The following RABGAP1L variants were observed in gnomAD, a reference collection of about 807,000 sequenced individuals.
The protein encoded by RABGAP1L is RAB GTPase activating protein 1 like, also known as rab GTPase-activating protein 1-like.
RABGAP1L carries 63 observed loss-of-function variants against 137.7 expected under a neutral mutation model. The observed-to-expected ratio is 0.46, with a 90% CI of 0.37 to 0.56. The LOEUF (loss-of-function observed/expected upper bound fraction) is 0.56. Among genes scored for constraint, RABGAP1L ranks in the 20% least tolerant of loss-of-function variants. RABGAP1L has a pLI of 0.00. For synonymous variants in RABGAP1L, 431 were observed against 433.7 expected (o/e 0.99, Z 0.08); for missense variants, 1,095 against 1,244.0 (o/e 0.88, Z 1.80).
chr1:174,678,261 A>T (rs1484823033), intron 14 of RABGAP1L, among the ~76,000 whole-genome samples: 1 of 152,326 alleles, frequency 6.6e-6, no homozygotes, highest in Middle Eastern at 3.4e-3. Flanking sequence ...AAACCTTTCC[A>T]AGGAGAATAC....
rs762279696 is a variant in RABGAP1L, at chr1:174,683,513, TTTCTC to T, written c.1825-7_1825-3del. On this transcript the variant is annotated splice_polypyrimidine_tract_variant and splice_region_variant and intron_variant, in intron 14 of 25. Coordinates refer to ENST00000681986, the MANE Select transcript of RABGAP1L (RefSeq NM_001366446.1). The stretch of plus-strand genomic sequence containing the variant: ...TTACGATATTTCTTTCTTTTCATCT[TTTCTC>T]TAGGCCTACTCTGTGTATGATGAAG... 6.3e-7 allele frequency: 1 copy of T among 1,582,964 alleles called. No homozygotes were observed. Among genetic ancestry groups the T allele is most frequent in the African/African-American group, 1.4e-5 (1 of 73,902 alleles).
At chr1:174,919,087 C>T (rs1420144990) in intron 19 of RABGAP1L, among the ~76,000 whole-genome samples, 3 of 150,998 alleles carry the variant, frequency 2.0e-5, no homozygotes, top group Non-Finnish European at 2.9e-5. Context: ...GGCACGATCT[C>T]GGCTCACTGC....
intron 13 of RABGAP1L, among the ~76,000 whole-genome samples, chr1:174,438,669 G>C (rs1653725550): frequency 6.7e-6 from 1 of 148,150 alleles, no homozygotes; most frequent in Non-Finnish European, 1.5e-5. Flanking sequence ...AGTGAGCCGA[G>C]ATCACGCCAC....
chr1:174,856,349 C>T (rs1315196092), intron 19 of RABGAP1L, among the ~76,000 whole-genome samples: 2 of 149,958 alleles, frequency 1.3e-5, no homozygotes, highest in Non-Finnish European at 3.0e-5. Flanking sequence ...GAACCAAGAT[C>T]GTGCCACTGC....
chr1:174,711,894 T>C (rs774973407), intron 17 of RABGAP1L, among the ~76,000 whole-genome samples: 31 of 152,224 alleles, frequency 2.0e-4, no homozygotes, highest in Non-Finnish European at 4.4e-4. Context: ...TGGAGAACTT[T>C]TATGTTTAGC....
At chr1:174,759,911 A>G (rs1476443787) in intron 18 of RABGAP1L, among the ~76,000 whole-genome samples, 1 of 152,206 alleles carries the variant, frequency 6.6e-6, no homozygotes, top group Non-Finnish European at 1.5e-5. Flanking sequence ...ACTCGGCCCT[A>G]CCTTCAACAT....
chr1:174,579,953 G>A (rs1020201733), intron 13 of RABGAP1L, among the ~76,000 whole-genome samples: 5 of 152,244 alleles, frequency 3.3e-5, no homozygotes, highest in African/African-American at 1.2e-4. Context: ...TAGAGACAGG[G>A]TTTCACCATG....
intron 12 of RABGAP1L, among the ~76,000 whole-genome samples, chr1:174,378,138 G>C (rs1172561520): frequency 1.4e-5 from 2 of 146,220 alleles, no homozygotes; most frequent in Non-Finnish European, 3.0e-5. Context: ...CGGCTGCATA[G>C]TATTCCATGG....
At chr1:174,876,967 C>T (rs1013615058) in intron 19 of RABGAP1L, among the ~76,000 whole-genome samples, 1 of 151,754 alleles carries the variant, frequency 6.6e-6, no homozygotes, top group Non-Finnish European at 1.5e-5. Context: ...TGGTTTTCAT[C>T]TGTTTATTTT....
At chr1:174,742,308 A>G (rs1027963054) in intron 17 of RABGAP1L, among the ~76,000 whole-genome samples, 2 of 152,000 alleles carry the variant, frequency 1.3e-5, no homozygotes, top group Non-Finnish European at 2.9e-5. Context: ...ACTTGAGGTC[A>G]GGAGTTCGAG....
At chr1:174,953,035 CAAAAAAAAA>C (rs34788853) in intron 19 of RABGAP1L, among the ~76,000 whole-genome samples, 5 of 97,362 alleles carry the variant, frequency 5.1e-5, no homozygotes, top group Admixed American at 1.1e-4. Context: ...GGGTGGCATG[CAAAAAAAAA>C]AAAAAAAAGA....
intron 13 of RABGAP1L, among the ~76,000 whole-genome samples, chr1:174,558,491 A>G (rs536711003): frequency 3.3e-5 from 5 of 152,344 alleles, no homozygotes; most frequent in East Asian, 3.9e-4. Flanking sequence ...TGTGTCTTCT[A>G]TCATTCTGTT....
intron 13 of RABGAP1L, among the ~76,000 whole-genome samples, chr1:174,531,445 G>A (rs567787919): frequency 6.6e-6 from 1 of 152,200 alleles, no homozygotes; most frequent in South Asian, 2.1e-4. Flanking sequence ...GATAAAAATA[G>A]GAAAAATATA....
intron 12 of RABGAP1L, among the ~76,000 whole-genome samples, chr1:174,383,455 A>G (rs190464286): frequency 1.3e-5 from 2 of 152,054 alleles, no homozygotes; most frequent in Non-Finnish European, 2.9e-5. Context: ...CCGTTGGCGT[A>G]GGACCCTCTG....
intron 13 of RABGAP1L, among the ~76,000 whole-genome samples, chr1:174,404,291 A>G (rs1028079471): frequency 1.3e-5 from 2 of 152,184 alleles, no homozygotes; most frequent in African/African-American, 4.8e-5. Context: ...ATTTCTGAGC[A>G]GGATAGGAGA....
chr1:174,787,757 G>C (rs928248628), intron 18 of RABGAP1L, among the ~76,000 whole-genome samples: 2 of 152,180 alleles, frequency 1.3e-5, no homozygotes, highest in African/African-American at 2.4e-5. Flanking sequence ...GAAGGTACTG[G>C]TAATACATAT....
At chr1:174,229,772 GTA>G in intron 3 of RABGAP1L, among the ~76,000 whole-genome samples, 1 of 152,108 alleles carries the variant, frequency 6.6e-6, no homozygotes, top group African/African-American at 2.4e-5. Flanking sequence ...AATACTTTGG[GTA>G]TATACCCAGT....
chr1:174,975,901 G>A (rs77863080), intron 21 of RABGAP1L, 177 bp from the exon 22 acceptor site: 17 of 575,672 alleles, frequency 3.0e-5, no homozygotes, highest in Non-Finnish European at 4.4e-5. Context: ...CAACTAGATG[G>A]CACATAGTTG....
intron 13 of RABGAP1L, among the ~76,000 whole-genome samples, chr1:174,552,594 G>C (rs1391960886): frequency 6.6e-6 from 1 of 152,020 alleles, no homozygotes; most frequent in Non-Finnish European, 1.5e-5. Flanking sequence ...TATACACCAT[G>C]AAATACCAAT....
Sources: gnomAD v4.1 joint callset for allele counts (sites outside exome capture counted in the v4.1 genomes callset) on GRCh38, gnomAD v4.1.1 for gene constraint, MANE v1.5 for transcripts, NCBI Gene and HGNC (gene_info 2026-07-23, HGNC 2026-07-21) for gene names.